DLGAP1: variants seen among roughly 807,000 people sequenced by gnomAD.
The protein encoded by DLGAP1 is DLG associated protein 1, also known as disks large-associated protein 1.
In DLGAP1, 11 loss-of-function variants were observed where a neutral mutation model predicts 90.8. The ratio of observed to expected loss-of-function variants is 0.12; its 90% CI spans 0.08 to 0.20. The LOEUF (loss-of-function observed/expected upper bound fraction) is 0.20. Among genes scored for constraint, DLGAP1 ranks in the 10% least tolerant of loss-of-function variants. The probability of loss-of-function intolerance (pLI) is 1.00; values close to 1 mark genes in which losing one functional copy is unlikely to be tolerated. For synonymous variants in DLGAP1, 558 were observed against 540.7 expected, an observed-to-expected ratio of 1.03 and a Z score of -0.44; for missense variants, 1,050 against 1,333.8, an observed-to-expected ratio of 0.79 and a Z score of 3.31.
intron 1 of DLGAP1, among the ~76,000 whole-genome samples, chr18:4,232,462 A>G (rs901831642): frequency 3.8e-4 from 58 of 152,168 alleles, no homozygotes; most frequent in African/African-American, 1.3e-3. Flanking sequence ...AGCACCTTGA[A>G]ATAGTCTAAT....
chr18:3,600,526 G>A (rs1599457765), intron 7 of DLGAP1, among the ~76,000 whole-genome samples: 2 of 151,838 alleles, frequency 1.3e-5, no homozygotes, highest in African/African-American at 2.4e-5. Context: ...ATGAGCCACC[G>A]TGCCTGGCCA....
intron 1 of DLGAP1, among the ~76,000 whole-genome samples, chr18:4,175,884 T>C (rs1183687408): frequency 6.6e-6 from 1 of 152,220 alleles, no homozygotes; most frequent in Non-Finnish European, 1.5e-5. Context: ...TTGTTCTTTT[T>C]GCTTAGGATT....
At chr18:3,888,056 C>A (rs1014416428) in intron 3 of DLGAP1, among the ~76,000 whole-genome samples, 1 of 134,144 alleles carries the variant, frequency 7.5e-6, no homozygotes, top group African/African-American at 2.8e-5. Context: ...TGCAGTGAGC[C>A]GAGATCGCGC....
At chr18:3,701,510 C>A (rs8084865) in intron 7 of DLGAP1, among the ~76,000 whole-genome samples, 71,375 of 152,040 alleles carry the variant, frequency 0.47, 17,743 homozygotes, top group African/African-American at 0.63. Flanking sequence ...AGGATTCGAC[C>A]CATGCTTATG....
Position 4,376,517 on chromosome 18 carries a change from C to T in DLGAP1, c.-267+78489G>A, listed in dbSNP as rs1041011104. Among the ~76,000 whole-genome samples, 5 of 152,148 alleles carry T rather than the reference C, an allele frequency of 3.3e-5. No individual in the cohort carries two copies. In the East Asian group the frequency reaches 7.7e-4, roughly 23 times the overall value. ...ACCACAGATAATAGGCATCCTAGTA[C>T]TCCTATTTCAAGGCGTGGTGTTTAT... On this transcript the variant is annotated intron_variant, in intron 1 of 12. Coordinates refer to ENST00000315677, the MANE Select transcript of DLGAP1 (RefSeq NM_004746.4).
In DLGAP1 at chr18:3,561,878, G is replaced by A. The variant is rs1012057114; in HGVS notation, c.2057+5612C>T. Among the ~76,000 whole-genome samples, 7 of 150,860 alleles carry A rather than the reference G, an allele frequency of 4.6e-5. 1 individual carries two copies. The highest frequency in any genetic ancestry group is 1.7e-4 in the African/African-American group (7 of 40,236). ...TGGGACTTACAGTTCCATGTGGCTG[G>A]GGAGGCCCCACAATCATGGCATAAG... On this transcript the variant is annotated intron_variant, in intron 9 of 12. Coordinates refer to ENST00000315677, the MANE Select transcript of DLGAP1 (RefSeq NM_004746.4).
intron 2 of DLGAP1, among the ~76,000 whole-genome samples, chr18:4,100,314 G>A (rs1419039618): frequency 1.3e-5 from 2 of 152,180 alleles, no homozygotes; most frequent in Admixed American, 6.5e-5. Flanking sequence ...GAGCTCTTGG[G>A]TGAACAGGGA....
chr18:3,982,624 A>G (rs1239692463), intron 3 of DLGAP1, among the ~76,000 whole-genome samples: 1 of 152,068 alleles, frequency 6.6e-6, no homozygotes, highest in Non-Finnish European at 1.5e-5. Context: ...TACATGCCTG[A>G]CACATGGTAA....
intron 4 of DLGAP1, among the ~76,000 whole-genome samples, chr18:3,863,291 T>C (rs1568254848): frequency 2.0e-5 from 3 of 152,194 alleles, no homozygotes; most frequent in African/African-American, 4.8e-5. Flanking sequence ...TTTCACCAAA[T>C]AGGGAAATGT....
intron 3 of DLGAP1, among the ~76,000 whole-genome samples, chr18:3,884,834 T>C (rs1336005853): frequency 6.6e-6 from 1 of 152,214 alleles, no homozygotes; most frequent in Non-Finnish European, 1.5e-5. Context: ...GATATTGAGA[T>C]CTTGATCTTT....
intron 4 of DLGAP1, among the ~76,000 whole-genome samples, chr18:3,821,309 A>AAG (rs1555681712): frequency 6.7e-6 from 1 of 148,804 alleles, no homozygotes; most frequent in African/African-American, 2.6e-5. Flanking sequence ...AAAAAAAAAA[A>AAG]AAAAGATGAA....
At chr18:4,256,050 T>C (rs2078881681) in intron 1 of DLGAP1, among the ~76,000 whole-genome samples, 1 of 152,182 alleles carries the variant, frequency 6.6e-6, no homozygotes, top group Admixed American at 6.5e-5. Context: ...AGGATGTAGA[T>C]GCTAATTCAA....
intron 1 of DLGAP1, among the ~76,000 whole-genome samples, chr18:4,180,288 A>T (rs2077184720): frequency 6.6e-6 from 1 of 152,188 alleles, no homozygotes; most frequent in South Asian, 2.1e-4. Flanking sequence ...CTCATCCAGC[A>T]GAGTCCCACA....
In DLGAP1 at chr18:3,980,719, G is replaced by A. The variant is rs888703846; in HGVS notation, c.-73+24397C>T. ...TTATTACTGACCATTTTTGCAGGTC[G>A]CTTTTTACAAATTTATTTATTTTTT... On this transcript the variant is annotated intron_variant, in intron 3 of 12. Transcript: ENST00000315677. Among the ~76,000 whole-genome samples the A allele has an allele frequency of 2.0e-5, 3 of 151,916 alleles. No individual in the cohort carries two copies. In the East Asian group the frequency reaches 5.8e-4, roughly 29 times the overall value.
intron 2 of DLGAP1, among the ~76,000 whole-genome samples, chr18:4,017,829 G>A (rs1447151768): frequency 6.6e-6 from 1 of 151,982 alleles, no homozygotes; most frequent in Non-Finnish European, 1.5e-5. Context: ...CTACCAGTAA[G>A]TCTACCTAAA....
intron 7 of DLGAP1, among the ~76,000 whole-genome samples, chr18:3,596,236 T>A (rs904710976): frequency 7.9e-5 from 12 of 152,128 alleles, no homozygotes; most frequent in Non-Finnish European, 1.2e-4. Flanking sequence ...CTCGGCTCAC[T>A]GCAACCTCCG....
intron 3 of DLGAP1, among the ~76,000 whole-genome samples, chr18:3,963,465 G>A (rs2073249630): frequency 6.6e-6 from 1 of 152,002 alleles, no homozygotes; most frequent in Non-Finnish European, 1.5e-5. Flanking sequence ...CCTAATTACT[G>A]ACACATTTGC....
chr18:4,307,555 A>G lies in DLGAP1; in HGVS notation c.-267+147451T>C, dbSNP rs756916320. Reference sequence around the variant, plus strand: ...ATATGCAACAATACTCCAGTGTAATATGATCTCTTTCAACAGAGGAAGAAA... The same window carrying G: ...ATATGCAACAATACTCCAGTGTAATGTGATCTCTTTCAACAGAGGAAGAAA... On this transcript the variant is annotated intron_variant, in intron 1 of 12. Transcript: ENST00000315677. Among the ~76,000 whole-genome samples, 134 of 152,280 alleles carry G rather than the reference A, an allele frequency of 8.8e-4. 1 individual carries two copies. Among genetic ancestry groups the G allele is most frequent in the Admixed American group, 4.7e-3 (72 of 15,298 alleles).
At chr18:3,765,690 CA>C (rs1369208766) in intron 5 of DLGAP1, among the ~76,000 whole-genome samples, 1 of 151,686 alleles carries the variant, frequency 6.6e-6, no homozygotes, top group Non-Finnish European at 1.5e-5. Flanking sequence ...AAAAATTAGC[CA>C]GGCGTGGTGG....
Sources: allele counts gnomAD v4.1 joint callset (sites outside exome capture counted in the v4.1 genomes callset), GRCh38; gene constraint gnomAD v4.1.1; transcripts MANE v1.5; gene names NCBI Gene and HGNC (gene_info 2026-07-23, HGNC 2026-07-21).